PRKCA: variants seen among roughly 807,000 people sequenced by gnomAD.
PRKCA encodes protein kinase C alpha type.
PRKCA carries 27 observed loss-of-function variants against 87.0 expected under a neutral mutation model. The observed-to-expected ratio is 0.31, with a 90% confidence interval of 0.23 to 0.43. The LOEUF (loss-of-function observed/expected upper bound fraction) is 0.43. PRKCA is among the 20% of genes least tolerant of loss of function. PRKCA has a pLI of 1.00. For synonymous variants in PRKCA, 329 were observed against 311.1 expected (o/e 1.06, Z -0.61); for missense variants, 518 against 852.3 (o/e 0.61, Z 4.88).
At chr17:66,550,535 G>A (rs1034178210) in intron 3 of PRKCA, among the ~76,000 whole-genome samples, 1 of 152,120 alleles carries the variant, frequency 6.6e-6, no homozygotes, top group East Asian at 1.9e-4. Context: ...TGTAGTCTCA[G>A]CTACTCGGGA....
chr17:66,542,817 T>G (rs1280797378), intron 3 of PRKCA, among the ~76,000 whole-genome samples: 1 of 152,202 alleles, frequency 6.6e-6, no homozygotes, highest in African/African-American at 2.4e-5. Context: ...TGGATTCAAA[T>G]TATATTTGAC....
intron 3 of PRKCA, among the ~76,000 whole-genome samples, chr17:66,545,383 T>G (rs1371331429): frequency 6.6e-6 from 1 of 152,194 alleles, no homozygotes; most frequent in Non-Finnish European, 1.5e-5. Context: ...GAGCCAAGAT[T>G]GTGCCACTGC....
chr17:66,747,875 C>A (rs1974334086), intron 13 of PRKCA, among the ~76,000 whole-genome samples: 1 of 152,220 alleles, frequency 6.6e-6, no homozygotes, highest in Non-Finnish European at 1.5e-5. Context: ...GATCTGTTGG[C>A]ATATTCAGGG....
intron 13 of PRKCA, among the ~76,000 whole-genome samples, chr17:66,745,596 G>A (rs951090540): frequency 4.6e-5 from 7 of 152,044 alleles, no homozygotes; most frequent in African/African-American, 9.7e-5. Flanking sequence ...CAGGAGAATC[G>A]CTTGAACCTG....
chr17:66,332,529 A>C (rs1431298109), intron 2 of PRKCA, among the ~76,000 whole-genome samples: 2 of 151,876 alleles, frequency 1.3e-5, no homozygotes, highest in Non-Finnish European at 1.5e-5. Flanking sequence ...CACCTGACTG[A>C]AAGTATTTTC....
intron 2 of PRKCA, among the ~76,000 whole-genome samples, chr17:66,457,075 G>A (rs948321096): frequency 5.3e-5 from 8 of 152,122 alleles, no homozygotes; most frequent in Non-Finnish European, 1.5e-5. Context: ...GATTAGGATG[G>A]AAAACTTTTT....
chr17:66,374,083 A>G lies in PRKCA; in HGVS notation c.205+67956A>G, dbSNP rs565222551. ...TCCCCTGGAAGGGGATGAGCCAGGG[A>G]GGAGTCCGCAAGGGAGGATGGGCCA... On this transcript the variant is annotated intron_variant, in intron 2 of 16. Transcript: ENST00000413366. Among the ~76,000 whole-genome samples, 194 of 152,210 alleles carry G rather than the reference A, an allele frequency of 1.3e-3. 1 individual carries two copies. The highest frequency in any genetic ancestry group is 4.2e-3 in the African/African-American group (176 of 41,560).
intron 2 of PRKCA, among the ~76,000 whole-genome samples, chr17:66,381,940 T>A (rs1909795934): frequency 6.6e-6 from 1 of 152,184 alleles, no homozygotes; most frequent in Non-Finnish European, 1.5e-5. Context: ...TACAATGATG[T>A]GTTGGATGTT....
Position 66,643,989 on chromosome 17 carries a change from C to T in PRKCA, c.401-1394C>T, listed in dbSNP as rs1004219882. 3.3e-5 allele frequency among the ~76,000 whole-genome samples: 5 copies of T among 152,228 alleles called. 1 individual carries two copies. Among genetic ancestry groups the T allele is most frequent in the African/African-American group, 1.2e-4 (5 of 41,462 alleles). ...TGCACTTTCACCTCCCGTCCCCTCC[C>T]CGTTGCCTCTGTGCTTTCCAGAGGC... On this transcript the variant is annotated intron_variant, in intron 4 of 16. Coordinates refer to ENST00000413366, the MANE Select transcript of PRKCA (RefSeq NM_002737.3).
chr17:66,333,703 C>G (rs992816482), intron 2 of PRKCA, among the ~76,000 whole-genome samples: 2 of 152,004 alleles, frequency 1.3e-5, no homozygotes, highest in African/African-American at 4.8e-5. Context: ...TGTCAGCCTC[C>G]CCCAGGAACC....
intron 2 of PRKCA, among the ~76,000 whole-genome samples, chr17:66,331,788 C>G (rs185774046): frequency 1.3e-5 from 2 of 152,138 alleles, no homozygotes; most frequent in South Asian, 2.1e-4. Context: ...GAAAGTCTTA[C>G]GAGTGTTCTG....
intron 8 of PRKCA, among the ~76,000 whole-genome samples, chr17:66,727,705 T>A (rs1042630004): frequency 6.6e-6 from 1 of 152,168 alleles, no homozygotes; most frequent in Admixed American, 6.5e-5. Flanking sequence ...AAATAGCAGT[T>A]GAGCTGGGAC....
chr17:66,616,641 G>A (rs932518711), intron 3 of PRKCA, among the ~76,000 whole-genome samples: 5 of 152,182 alleles, frequency 3.3e-5, no homozygotes. Flanking sequence ...AGCTACCAGA[G>A]CCCATTTCCA....
At chr17:66,377,361 T>G (rs1909481801) in intron 2 of PRKCA, among the ~76,000 whole-genome samples, 1 of 151,790 alleles carries the variant, frequency 6.6e-6, no homozygotes, top group Non-Finnish European at 1.5e-5. Context: ...GTCAATCCCC[T>G]TACTCTCTTG....
chr17:66,666,830 C>T (rs1020813352), intron 5 of PRKCA, among the ~76,000 whole-genome samples: 3 of 151,810 alleles, frequency 2.0e-5, no homozygotes, highest in Non-Finnish European at 2.9e-5. Flanking sequence ...CCTTTGAATC[C>T]CCCCCCCACA....
intron 13 of PRKCA, among the ~76,000 whole-genome samples, chr17:66,757,914 A>G (rs1292109971): frequency 2.0e-5 from 3 of 152,120 alleles, no homozygotes; most frequent in African/African-American, 7.2e-5. Flanking sequence ...TTTAGTAAAG[A>G]CAGGGTTTCA....
intron 3 of PRKCA, among the ~76,000 whole-genome samples, chr17:66,516,692 T>A (rs552704744): frequency 2.6e-5 from 4 of 151,146 alleles, no homozygotes; most frequent in Admixed American, 1.3e-4. Flanking sequence ...GGAAGAAGGG[T>A]GGACTCACCT....
intron 5 of PRKCA, among the ~76,000 whole-genome samples, chr17:66,659,316 T>C (rs1174128897): frequency 6.6e-6 from 1 of 152,126 alleles, no homozygotes; most frequent in Non-Finnish European, 1.5e-5. Context: ...GATATTCAAA[T>C]GATATTTCAC....
chr17:66,674,604 G>A lies in PRKCA; in HGVS notation c.530-12507G>A, dbSNP rs181035269. On this transcript the variant is annotated intron_variant, in intron 5 of 16. Coordinates refer to ENST00000413366, the MANE Select transcript of PRKCA (RefSeq NM_002737.3). ...GGGAATGTGGGCCAGAAGACGGAGC[G>A]TCACTGACATTTAGATAGAGGTGTT... Among the ~76,000 whole-genome samples the A allele has an allele frequency of 2.3e-3, 350 of 152,266 alleles. 1 individual carries two copies. The highest frequency in any genetic ancestry group is 7.8e-3 in the African/African-American group (323 of 41,542).
Sources: gnomAD v4.1 joint callset for allele counts (sites outside exome capture counted in the v4.1 genomes callset) on GRCh38, gnomAD v4.1.1 for gene constraint, MANE v1.5 for transcripts, NCBI Gene and HGNC (gene_info 2026-07-23, HGNC 2026-07-21) for gene names.